SPATS1: variants seen among roughly 807,000 people sequenced by gnomAD.
The protein encoded by SPATS1 is spermatogenesis-associated serine-rich protein 1.
SPATS1 carries 23 observed loss-of-function variants against 33.6 expected under a neutral mutation model. That is an observed-to-expected ratio of 0.68 (90% confidence interval 0.49 to 0.97). SPATS1 has a LOEUF of 0.97. Among genes scored for constraint, SPATS1 ranks in the 50% least tolerant of loss-of-function variants. The pLI, the probability that SPATS1 is intolerant of heterozygous loss-of-function variation, is 0.00. For missense variants in SPATS1, 327 were observed against 361.0 expected, an observed-to-expected ratio of 0.91 and a Z score of 0.76; for synonymous variants, 131 against 125.6, an observed-to-expected ratio of 1.04 and a Z score of -0.29.
At chr6:44,369,747 C>T (rs939431822) in intron 6 of SPATS1, among the ~76,000 whole-genome samples, 1 of 151,886 alleles carries the variant, frequency 6.6e-6, no homozygotes, top group Admixed American at 6.6e-5. Flanking sequence ...TGGTGTGTGC[C>T]TATAATCCCA....
chr6:44,365,655 T>A (rs80162377), intron 5 of SPATS1, among the ~76,000 whole-genome samples: 4 of 152,256 alleles, frequency 2.6e-5, no homozygotes, highest in African/African-American at 4.8e-5. Flanking sequence ...ATATCATCTC[T>A]GCTCACAATC....
intron 3 of SPATS1, among the ~76,000 whole-genome samples, chr6:44,354,813 C>G (rs1353702697): frequency 6.6e-6 from 1 of 152,056 alleles, no homozygotes; most frequent in Non-Finnish European, 1.5e-5. Context: ...GTAGTAGCTT[C>G]TCTATTTTTA....
chr6:44,372,044 A>C (rs966861464), intron 7 of SPATS1, among the ~76,000 whole-genome samples: 1 of 151,778 alleles, frequency 6.6e-6, no homozygotes, highest in African/African-American at 2.4e-5. Context: ...GATTGAGGTC[A>C]AGAGATCAAG....
rs1478397197 is a variant in SPATS1 at position 44,372,043 on chromosome 6, CAA to C, written c.758+1931_758+1932del. Among the ~76,000 whole-genome samples the C allele has an allele frequency of 9.9e-5, 15 of 151,272 alleles. No homozygotes were observed. The East Asian group carries it at 2.0e-3, about 20-fold the overall frequency. Reference sequence around the variant, plus strand: ...GAGGCCGAGGCAGGCAGATTGAGGTCAAGAGATCAAGACCATCCTGGCCAACA... The same window carrying C: ...GAGGCCGAGGCAGGCAGATTGAGGTCGAGATCAAGACCATCCTGGCCAACA... On this transcript the variant is annotated intron_variant, in intron 7 of 8. Coordinates refer to ENST00000674044, the MANE Select transcript of SPATS1 (RefSeq NM_001372081.1).
intron 7 of SPATS1, among the ~76,000 whole-genome samples, chr6:44,374,068 C>T (rs527829050): frequency 6.6e-6 from 1 of 152,306 alleles, no homozygotes; most frequent in Admixed American, 6.5e-5. Flanking sequence ...GGTACTTGAT[C>T]TGGGTCCTAG....
At chr6:44,343,402 G>T in intron 2 of SPATS1, 168 bp downstream of exon 2, 1 of 781,834 alleles carries the variant, frequency 1.3e-6, no homozygotes, top group Non-Finnish European at 2.2e-6. Context: ...GCTAACCCAA[G>T]ATTTGATTAG....
At chr6:44,374,254 T>C (rs1789799861) in intron 7 of SPATS1, among the ~76,000 whole-genome samples, 1 of 152,244 alleles carries the variant, frequency 6.6e-6, no homozygotes, top group South Asian at 2.1e-4. Flanking sequence ...ATTGGTTATA[T>C]TGTTTAGCCC....
At chr6:44,357,322 T>C (rs1369626696) in intron 3 of SPATS1, among the ~76,000 whole-genome samples, 3 of 152,172 alleles carry the variant, frequency 2.0e-5, no homozygotes, top group Admixed American at 1.3e-4. Flanking sequence ...GCGTCGTCTA[T>C]GCTATTCTCC....
In SPATS1 at chr6:44,352,774, C is replaced by A. The variant is rs866504110; in HGVS notation, c.188C>A (p.Thr63Lys). 2 of 1,614,130 alleles carry A rather than the reference C, an allele frequency of 1.2e-6. No individual in the cohort carries two copies. Among genetic ancestry groups the A allele is most frequent in the Non-Finnish European group, 1.7e-6 (2 of 1,179,952 alleles). ...FLESKGCFAN[T>K]TPSGKSVSSS... ...GAATCTAAGGGATGTTTTGCCAACA[C>A]AACACCCTCTGGCAAAAGTGTCAGT... is the stretch of plus-strand genomic sequence containing the variant. Residue 63 changes from threonine (T) to lysine (K), a missense_variant, in exon 3 of 9, where the codon ACA becomes AAA. By Grantham distance (78) the Thr-to-Lys change is moderately conservative. Coordinates refer to ENST00000674044, the MANE Select transcript of SPATS1 (RefSeq NM_001372081.1).
rs769225788 is a variant in SPATS1, at chr6:44,342,761, G to A, written c.-8G>A. 2 of 494,818 alleles carry A rather than the reference G, an allele frequency of 4.0e-6. No individual in the cohort carries two copies. Among genetic ancestry groups the A allele is most frequent in the South Asian group, 3.1e-5 (2 of 65,028 alleles). 30.7% of individuals were successfully genotyped at this position (494,818 alleles called of 1,614,324 possible). A position where few individuals can be genotyped will look rare whatever the true frequency, so the allele number is the denominator to read the frequency against. On this transcript the variant is annotated 5_prime_UTR_variant, in exon 1 of 9. Transcript: ENST00000674044. ...CGTTCGGCAGTTCAGTTGCCAGTTG[G>A]TTCGTTGGTCCGTGGAGGCCTCTGA...
chr6:44,379,599 CAAAAAAAAAAAAAAAA>C lies in SPATS1; in HGVS notation c.*2549_*2564del, dbSNP rs55976441. Reference sequence around the variant, plus strand: ...TGGGCAACAGAGTGAGACTCTGTCTCAAAAAAAAAAAAAAAAAAAAAAAAAAAAGAAAGAAAGAAAG... The same window carrying C: ...TGGGCAACAGAGTGAGACTCTGTCTCAAAAAAAAAAAAGAAAGAAAGAAAG... On this transcript the variant is annotated 3_prime_UTR_variant, in exon 9 of 9. Coordinates refer to ENST00000674044, the MANE Select transcript of SPATS1 (RefSeq NM_001372081.1). Among the ~76,000 whole-genome samples, 342 of 54,812 alleles carry C rather than the reference CAAAAAAAAAAAAAAAA, an allele frequency of 6.2e-3. 6 individuals carry two copies. Among genetic ancestry groups the C allele is most frequent in the South Asian group, 0.029 (31 of 1,068 alleles). 36.0% of individuals were successfully genotyped at this position (54,812 alleles called of 152,430 possible). A position where few individuals can be genotyped will look rare whatever the true frequency, so the allele number is the denominator to read the frequency against.
chr6:44,349,948 A>G (rs994657256), intron 2 of SPATS1, among the ~76,000 whole-genome samples: 3 of 152,186 alleles, frequency 2.0e-5, no homozygotes, highest in African/African-American at 7.2e-5. Flanking sequence ...GTGGCTTGGT[A>G]TATGGGTGGT....
rs893521144 is a variant in SPATS1 at position 44,378,054 on chromosome 6, T to A, written c.*991T>A. The A allele has an allele frequency of 2.6e-5, 4 of 152,200 alleles. No homozygotes were observed. Among genetic ancestry groups the A allele is most frequent in the Admixed American group, 6.5e-5 (1 of 15,270 alleles). The allele number at this position is 152,200 out of a possible 1,614,324, so 9.4% of individuals were successfully genotyped here. Reference sequence around the variant, plus strand: ...GTACATGTCAGAAAAACATGAAGGCTGGATCTATACCAGGTAAGTAATACT... The same window carrying A: ...GTACATGTCAGAAAAACATGAAGGCAGGATCTATACCAGGTAAGTAATACT... On this transcript the variant is annotated 3_prime_UTR_variant, in exon 9 of 9. Coordinates refer to ENST00000674044, the MANE Select transcript of SPATS1 (RefSeq NM_001372081.1).
chr6:44,372,830 A>T (rs1561961383), intron 7 of SPATS1, among the ~76,000 whole-genome samples: 1 of 152,154 alleles, frequency 6.6e-6, no homozygotes. Context: ...GTTTGGTTTG[A>T]GGCTTGTTTT....
Position 44,377,284 on chromosome 6 carries a change from T to A in SPATS1, c.*221T>A. Reference sequence around the variant, plus strand: ...CTGCATATCCTTCACATAGATTCTATCATTGTTAATATTTGTTCAAACTTT... The same window carrying A: ...CTGCATATCCTTCACATAGATTCTAACATTGTTAATATTTGTTCAAACTTT... On this transcript the variant is annotated 3_prime_UTR_variant, in exon 9 of 9. Transcript: ENST00000674044. 1 of 590,622 alleles carries A rather than the reference T, an allele frequency of 1.7e-6. No homozygotes were observed. The highest frequency in any genetic ancestry group is 2.0e-5 in the South Asian group (1 of 49,148). The allele number at this position is 590,622 out of a possible 1,614,324, so 36.6% of individuals were successfully genotyped here.
chr6:44,376,787 C>G (rs529028937), intron 8 of SPATS1, among the ~76,000 whole-genome samples: 1 of 151,936 alleles, frequency 6.6e-6, no homozygotes, highest in African/African-American at 2.4e-5. Flanking sequence ...GGCAACAGAG[C>G]GAAACTTTGC....
At chr6:44,358,583 C>G (rs534279057) in intron 3 of SPATS1, among the ~76,000 whole-genome samples, 62 of 152,294 alleles carry the variant, frequency 4.1e-4, no homozygotes, top group African/African-American at 1.4e-3. Flanking sequence ...AAGTCACCCA[C>G]TTAAACTGTG....
intron 1 of SPATS1, 66 bp from the exon 2 acceptor site, chr6:44,343,030 C>T (rs1299094201): frequency 3.8e-6 from 6 of 1,596,556 alleles, no homozygotes; most frequent in African/African-American, 1.3e-5. Context: ...TGACTGATAC[C>T]TTTCTTACGA....
intron 6 of SPATS1, among the ~76,000 whole-genome samples, chr6:44,369,181 C>T (rs1189758347): frequency 6.6e-6 from 1 of 152,076 alleles, no homozygotes; most frequent in African/African-American, 2.4e-5. Context: ...TGGTGTACTA[C>T]ATTTAAAATA....
Sources: allele counts gnomAD v4.1 joint callset (sites outside exome capture counted in the v4.1 genomes callset), GRCh38; gene constraint gnomAD v4.1.1; transcripts MANE v1.5; gene names NCBI Gene and HGNC (gene_info 2026-07-23, HGNC 2026-07-21).